KMT5B: variants seen among roughly 807,000 people sequenced by gnomAD.
The protein encoded by KMT5B is lysine methyltransferase 5B.
Under a neutral mutation model 83.2 loss-of-function variants are expected in KMT5B, and 10 were observed. The ratio of observed to expected loss-of-function variants is 0.12; its 90% CI spans 0.07 to 0.20. KMT5B has a LOEUF of 0.20. Among genes scored for constraint, KMT5B ranks in the 10% least tolerant of loss-of-function variants. The pLI is 1.00. For synonymous variants in KMT5B, 349 were observed against 388.8 expected (o/e 0.90, Z 1.20); for missense variants, 753 against 1,067.2 (o/e 0.71, Z 4.10).
At chr11:68,165,987 A>T in intron 10 of KMT5B, 1 of 1,612,734 alleles carries the variant, frequency 6.2e-7, no homozygotes, top group Non-Finnish European at 8.5e-7. Context: ...GGCTGAAAAC[A>T]TCTGAAAGTA....
intron 4 of KMT5B, chr11:68,179,373 A>AAG: frequency 8.7e-7 from 1 of 1,143,982 alleles, no homozygotes; most frequent in South Asian, 1.4e-5. Context: ...TTACACTTCC[A>AAG]ATCAATGGCT....
chr11:68,202,048 T>C (rs937251850), intron 1 of KMT5B, among the ~76,000 whole-genome samples: 9 of 152,102 alleles, frequency 5.9e-5, no homozygotes, highest in Non-Finnish European at 1.2e-4. Flanking sequence ...GCCTAGGTGA[T>C]AGAGCAAGAC....
rs1861180903 is a variant in KMT5B, at chr11:68,213,118, C to T, written c.-77+20G>A. 2 of 139,302 alleles carry T rather than the reference C, an allele frequency of 1.4e-5. No individual in the cohort carries two copies. Among genetic ancestry groups the T allele is most frequent in the South Asian group, 4.3e-4 (2 of 4,620 alleles). The allele number at this position is 139,302 out of a possible 1,614,324, so 8.6% of individuals were successfully genotyped here. ...GCCCCCCGCACACCCTCGCCGGCGC[C>T]CGCCCCTCCCCCGACTCACCGCCTG... On this transcript the variant is annotated intron_variant, in intron 1 of 10. Coordinates refer to ENST00000304363, the MANE Select transcript of KMT5B (RefSeq NM_017635.5).
At chr11:68,188,954 A>G (rs1305337948) in intron 2 of KMT5B, among the ~76,000 whole-genome samples, 1 of 152,180 alleles carries the variant, frequency 6.6e-6, no homozygotes, top group African/African-American at 2.4e-5. Flanking sequence ...TCTTGTCCCA[A>G]GCAGGAATTC....
intron 10 of KMT5B, among the ~76,000 whole-genome samples, chr11:68,163,711 C>T (rs1855051302): frequency 1.3e-5 from 2 of 152,238 alleles, no homozygotes; most frequent in Admixed American, 1.3e-4. Context: ...AAGGAGTTTA[C>T]TTGGCACAAG....
chr11:68,210,092 G>A (rs1024765235), intron 1 of KMT5B, among the ~76,000 whole-genome samples: 2 of 152,080 alleles, frequency 1.3e-5, no homozygotes, highest in African/African-American at 2.4e-5. Context: ...TGATCCACCC[G>A]CCTCGGCCTC....
At chr11:68,212,147 T>C (rs1185724684) in intron 1 of KMT5B, among the ~76,000 whole-genome samples, 2 of 152,200 alleles carry the variant, frequency 1.3e-5, no homozygotes, top group Non-Finnish European at 2.9e-5. Context: ...AGGAAAAAAG[T>C]TATAGCTGGC....
intron 1 of KMT5B, among the ~76,000 whole-genome samples, chr11:68,206,599 C>T (rs1285535315): frequency 6.6e-6 from 1 of 152,158 alleles, no homozygotes; most frequent in Non-Finnish European, 1.5e-5. Context: ...TATTTAACTT[C>T]ACCGATGCCC....
intron 1 of KMT5B, among the ~76,000 whole-genome samples, chr11:68,204,199 T>C (rs1565261498): frequency 6.6e-6 from 1 of 152,124 alleles, no homozygotes; most frequent in African/African-American, 2.4e-5. Flanking sequence ...AAGACTAAAC[T>C]TGTTGAGCTA....
At chr11:68,194,176 C>G in intron 1 of KMT5B, among the ~76,000 whole-genome samples, 1 of 149,406 alleles carries the variant, frequency 6.7e-6, no homozygotes, top group Admixed American at 6.7e-5. Context: ...TTCGGGAGAG[C>G]ATCAAGTACC....
intron 1 of KMT5B, among the ~76,000 whole-genome samples, chr11:68,201,234 G>A (rs548672118): frequency 6.6e-6 from 1 of 152,258 alleles, no homozygotes; most frequent in African/African-American, 2.4e-5. Flanking sequence ...TACCGTTGCT[G>A]GGGGGAAGGA....
At chr11:68,197,242 G>A (rs1479968517) in intron 1 of KMT5B, among the ~76,000 whole-genome samples, 2 of 152,130 alleles carry the variant, frequency 1.3e-5, no homozygotes, top group African/African-American at 4.8e-5. Context: ...CAAAGTGCTG[G>A]AATTACAGGC....
At position 68,171,574 on chromosome 11, in the gene KMT5B, G is replaced by C. The variant is rs772860291; in HGVS notation, c.789C>G (p.Leu263=). ...MYSTRKNCAQ[L]WLGPAAFINH... ...TTATAAACGCAGCAGGACCCAGCCA[G>C]AGTTGAGCACAGTTTTTCCTTGTGG... The change falls in exon 7 of 11, where the codon CTC becomes CTG. Residue 263 remains leucine (L), a synonymous_variant. Coordinates refer to ENST00000304363, the MANE Select transcript of KMT5B (RefSeq NM_017635.5). This position sits in a 1 kb window ranked among gnomAD's most constrained non-coding sequence, Gnocchi z 5.1. 5.6e-6 allele frequency: 9 copies of C among 1,614,000 alleles called. No homozygotes were observed. Among genetic ancestry groups the C allele is most frequent in the Non-Finnish European group, 1.7e-6 (2 of 1,180,006 alleles).
At chr11:68,181,239 TA>T (rs1296161568) in intron 3 of KMT5B, among the ~76,000 whole-genome samples, 2 of 152,104 alleles carry the variant, frequency 1.3e-5, no homozygotes, top group Admixed American at 1.3e-4. Flanking sequence ...CATGCCTGGC[TA>T]ATTTTTGTAT....
chr11:68,201,228 G>A (rs529805902), intron 1 of KMT5B, among the ~76,000 whole-genome samples: 25 of 152,292 alleles, frequency 1.6e-4, no homozygotes, highest in Admixed American at 1.3e-3. Flanking sequence ...CAGTGCTACC[G>A]TTGCTGGGGG....
intron 1 of KMT5B, among the ~76,000 whole-genome samples, chr11:68,196,382 T>G (rs1349692680): frequency 6.6e-6 from 1 of 151,002 alleles, no homozygotes; most frequent in East Asian, 1.9e-4. Flanking sequence ...CTTATGTGAC[T>G]ATATTGTTTA....
intron 2 of KMT5B, 62 bp from the exon 3 acceptor site, chr11:68,185,990 A>G: frequency 1.4e-6 from 2 of 1,470,686 alleles, no homozygotes; most frequent in South Asian, 2.7e-5. Flanking sequence ...CTGCCTTAAA[A>G]TCTTTAGCGG....
intron 1 of KMT5B, among the ~76,000 whole-genome samples, chr11:68,202,535 G>A (rs1002894742): frequency 2.1e-5 from 3 of 145,246 alleles, no homozygotes; most frequent in African/African-American, 2.5e-5. Flanking sequence ...TTCCCTACTA[G>A]CTAAGACACA....
intron 1 of KMT5B, among the ~76,000 whole-genome samples, chr11:68,198,482 C>T (rs1859009555): frequency 7.5e-6 from 1 of 132,890 alleles, no homozygotes. Context: ...CAAGACAAGA[C>T]AAGACAAGAC....
Sources: allele counts gnomAD v4.1 joint callset (sites outside exome capture counted in the v4.1 genomes callset), GRCh38; gene constraint gnomAD v4.1.1; non-coding constraint Gnocchi (gnomAD v3.1); transcripts MANE v1.5; gene names NCBI Gene and HGNC (gene_info 2026-07-23, HGNC 2026-07-21).